POLE: variants seen among roughly 807,000 people sequenced by gnomAD.
POLE encodes the protein DNA polymerase epsilon catalytic subunit A.
Under a neutral mutation model 279.2 loss-of-function variants are expected in POLE, and 188 were observed. The observed-to-expected ratio is 0.67, with a 90% confidence interval of 0.60 to 0.76. The LOEUF (loss-of-function observed/expected upper bound fraction) is 0.76. Among genes scored for constraint, POLE ranks in the 30% least tolerant of loss-of-function variants. The pLI is 0.00. For synonymous variants in POLE, 1,214 were observed against 1,172.5 expected, an observed-to-expected ratio of 1.04 and a Z score of -0.72; for missense variants, 2,703 against 3,016.7, an observed-to-expected ratio of 0.90 and a Z score of 2.44.
intron 32 of POLE, among the ~76,000 whole-genome samples, chr12:132,646,173 C>A (rs1160526431): frequency 6.6e-6 from 1 of 152,122 alleles, no homozygotes. Flanking sequence ...AGATATTGAC[C>A]ACCAAAGAGT....
At chr12:132,686,461 G>A (rs971858331) in intron 1 of POLE, among the ~76,000 whole-genome samples, 4 of 152,012 alleles carry the variant, frequency 2.6e-5, no homozygotes, top group African/African-American at 9.7e-5. Flanking sequence ...AGGGCCGGGC[G>A]CGGAGTCTCA....
chr12:132,629,275 G>A (rs938190328), intron 45 of POLE, among the ~76,000 whole-genome samples: 5 of 152,172 alleles, frequency 3.3e-5, no homozygotes, highest in Admixed American at 6.5e-5. Context: ...CAGTGGCTTC[G>A]ACTTAAAGTC....
chr12:132,658,881 CAAAAAAAAAAA>C (rs1167117347), intron 26 of POLE, among the ~76,000 whole-genome samples: 17 of 33,838 alleles, frequency 5.0e-4, no homozygotes, highest in South Asian at 1.5e-3. Context: ...ATATAACCAC[CAAAAAAAAAAA>C]AAAAAAAAAA....
chr12:132,643,818 A>C lies in POLE; in HGVS notation c.4290+19T>G. Reference sequence around the variant, plus strand: ...GCTGGAGCCTCCCCCAGTTCAGTCGAGGGTGGCTGGGGAGTCACCTGAGTC... The same window carrying C: ...GCTGGAGCCTCCCCCAGTTCAGTCGCGGGTGGCTGGGGAGTCACCTGAGTC... On this transcript the variant is annotated intron_variant, in intron 33 of 48. Coordinates refer to ENST00000320574, the MANE Select transcript of POLE (RefSeq NM_006231.4). 6.2e-7 allele frequency: 1 copy of C among 1,610,410 alleles called. No homozygotes were observed. Among genetic ancestry groups the C allele is most frequent in the Non-Finnish European group, 8.5e-7 (1 of 1,177,104 alleles).
At chr12:132,657,507 G>C (rs2042573062) in intron 27 of POLE, 78 bp from the exon 28 acceptor site, 2 of 1,186,510 alleles carry the variant, frequency 1.7e-6, no homozygotes, top group South Asian at 1.3e-5. Flanking sequence ...GCTGAGCACA[G>C]GGCTAACCAC....
At chr12:132,645,800 C>CCA (rs10553413) in intron 32 of POLE, among the ~76,000 whole-genome samples, 13 of 149,874 alleles carry the variant, frequency 8.7e-5, no homozygotes, top group South Asian at 2.1e-4. Flanking sequence ...ACACACACAC[C>CCA]CACACACACA....
intron 21 of POLE, 133 bp downstream of exon 21, chr12:132,665,169 A>G: frequency 9.8e-7 from 1 of 1,024,136 alleles, no homozygotes; most frequent in Non-Finnish European, 1.4e-6. Flanking sequence ...CCCCAGCCCA[A>G]AGCCTTCTCC....
Position 132,675,886 on chromosome 12 carries a change from TC to T in POLE, c.1021-67del, listed in dbSNP as rs1478084689. 1.5e-6 allele frequency: 2 copies of T among 1,350,744 alleles called. No homozygotes were observed. Among genetic ancestry groups the T allele is most frequent in the African/African-American group, 2.9e-5 (2 of 69,794 alleles). The allele number at this position is 1,350,744 out of a possible 1,614,324, so 83.7% of individuals were successfully genotyped here. On this transcript the variant is annotated intron_variant, in intron 10 of 48. Transcript: ENST00000320574. The surrounding 1 kb of genome is among the most constrained non-coding windows in gnomAD (Gnocchi z 4.3). Reference sequence around the variant, plus strand: ...TTCTTCAAGCTATTCCAAATTCCTCTCCCAAAGTTCAGAAGCAGCAGCCTCA... The same window carrying T: ...TTCTTCAAGCTATTCCAAATTCCTCTCCAAAGTTCAGAAGCAGCAGCCTCA...
chr12:132,641,588 T>A (rs2042142062), intron 39 of POLE, 59 bp downstream of exon 39: 2 of 1,462,576 alleles, frequency 1.4e-6, no homozygotes, highest in Non-Finnish European at 1.9e-6. Context: ...GCTTTCCAAA[T>A]TAAGGGCAAA....
Position 132,675,639 on chromosome 12 carries a change from C to A in POLE, c.1106+96G>T. ...GGGAGGTGCAGAGTGAACCCAGGAG[C>A]CACCTCCTAAGTCGACATGGGAAGC... On this transcript the variant is annotated intron_variant, in intron 11 of 48. Transcript: ENST00000320574. The surrounding 1 kb of genome is among the most constrained non-coding windows in gnomAD (Gnocchi z 4.3). 1.3e-6 allele frequency: 2 copies of A among 1,568,950 alleles called. No individual in the cohort carries two copies. Among genetic ancestry groups the A allele is most frequent in the Non-Finnish European group, 8.7e-7 (1 of 1,143,424 alleles).
Position 132,661,747 on chromosome 12 carries a change from T to A in POLE, c.2707-63A>T. On this transcript the variant is annotated intron_variant, in intron 23 of 48. Coordinates refer to ENST00000320574, the MANE Select transcript of POLE (RefSeq NM_006231.4). The surrounding 1 kb of genome is among the most constrained non-coding windows in gnomAD (Gnocchi z 4.1). ...TGATGGCCCAAACCTGGAAACCACC[T>A]GGTGTCCCTCCAGGAGTGGATGGAT... is the stretch of plus-strand genomic sequence containing the variant. 1.3e-6 allele frequency: 2 copies of A among 1,554,770 alleles called. No homozygotes were observed. Among genetic ancestry groups the A allele is most frequent in the Non-Finnish European group, 1.8e-6 (2 of 1,135,484 alleles).
In POLE at chr12:132,661,044, C is replaced by T. The variant is rs1644915427; in HGVS notation, c.2985G>A (p.Lys995=). 6.2e-7 allele frequency: 1 copy of T among 1,614,156 alleles called. No individual in the cohort carries two copies. The highest frequency in any genetic ancestry group is 1.1e-5 in the South Asian group (1 of 91,080). Residue 995 remains lysine (K), a synonymous_variant, in exon 25 of 49, where the codon AAG becomes AAA. Transcript: ENST00000320574. This position sits in a 1 kb window ranked among gnomAD's most constrained non-coding sequence, Gnocchi z 4.1. ...FQSSVFEAFL[K]GSTLEEVYGS... ...CATACACCTCTTCCAGCGTGCTGCC[C>T]TTGAGGAAGGCCTCAAACACCGAGG...
At chr12:132,637,953 G>A (rs2042066607) in intron 41 of POLE, 61 bp downstream of exon 41, 3 of 1,587,178 alleles carry the variant, frequency 1.9e-6, no homozygotes. Flanking sequence ...CACCTCAGGG[G>A]GTCATTTTAG....
Position 132,643,551 on chromosome 12 carries a change from G to C in POLE, c.4300C>G (p.Leu1434Val), listed in dbSNP as rs2138553565. Residue 1434 changes from leucine (L) to valine (V), a missense_variant, in exon 34 of 49, where the codon CTG becomes GTG. Coordinates refer to ENST00000320574, the MANE Select transcript of POLE (RefSeq NM_006231.4). Reference protein sequence around the residue: ...EGVYETQVPLLFRALVHLGCV... With the variant: ...EGVYETQVPLVFRALVHLGCV... Reference sequence around the variant, plus strand: ...CCCAGGTGCACCAGGGCCCGGAACAGTAACGGAACCTGGAAGAATCGGGCA... The same window carrying C: ...CCCAGGTGCACCAGGGCCCGGAACACTAACGGAACCTGGAAGAATCGGGCA... 2 of 1,614,122 alleles carry C rather than the reference G, an allele frequency of 1.2e-6. No individual in the cohort carries two copies. The highest frequency in any genetic ancestry group is 1.7e-6 in the Non-Finnish European group (2 of 1,180,020).
At chr12:132,626,881 A>G (rs1476992020) in intron 45 of POLE, among the ~76,000 whole-genome samples, 2 of 152,254 alleles carry the variant, frequency 1.3e-5, no homozygotes, top group African/African-American at 4.8e-5. Context: ...GTTTCAAACC[A>G]CCTCAATGGA....
intron 29 of POLE, among the ~76,000 whole-genome samples, chr12:132,651,701 G>A (rs1455014552): frequency 2.0e-5 from 3 of 152,238 alleles, no homozygotes; most frequent in African/African-American, 7.2e-5. Context: ...ACTCCTGAGA[G>A]CAGCTATAAA....
chr12:132,634,182 T>C lies in POLE; in HGVS notation c.6004+4A>G. ...GGCTGCGCAGCCCTGGGCTCTGGGC[T>C]TACCTGAAACAATCATGAGGAAGTA... On this transcript the variant is annotated splice_donor_region_variant and intron_variant, in intron 43 of 48. Transcript: ENST00000320574. This position sits in a 1 kb window ranked among gnomAD's most constrained non-coding sequence, Gnocchi z 4.0. 3 of 1,609,234 alleles carry C rather than the reference T, an allele frequency of 1.9e-6. No individual in the cohort carries two copies. Among genetic ancestry groups the C allele is most frequent in the Non-Finnish European group, 2.5e-6 (3 of 1,177,262 alleles).
Position 132,624,454 on chromosome 12 carries a change from G to T in POLE, c.*243C>A, listed in dbSNP as rs965873535. 1.7e-6 allele frequency: 1 copy of T among 573,862 alleles called. No individual in the cohort carries two copies. Among genetic ancestry groups the T allele is most frequent in the Non-Finnish European group, 3.1e-6 (1 of 320,818 alleles). 35.5% of individuals were successfully genotyped at this position (573,862 alleles called of 1,614,324 possible). ...CGGCGCCCAGGGCACTCGCAGCCTC[G>T]CTCACGGCCTGCTTCTTCAGGTGCT... On this transcript the variant is annotated 3_prime_UTR_variant, in exon 49 of 49. Coordinates refer to ENST00000320574, the MANE Select transcript of POLE (RefSeq NM_006231.4).
At chr12:132,649,244 G>A (rs2138603144) in intron 31 of POLE, 62 bp downstream of exon 31, 2 of 1,561,392 alleles carry the variant, frequency 1.3e-6, no homozygotes, top group Non-Finnish European at 1.8e-6. Flanking sequence ...GGGCCCAGCT[G>A]GACACCCCCT....
Sources: allele counts gnomAD v4.1 joint callset (sites outside exome capture counted in the v4.1 genomes callset), GRCh38; gene constraint gnomAD v4.1.1; non-coding constraint Gnocchi (gnomAD v3.1); transcripts MANE v1.5; gene names NCBI Gene and HGNC (gene_info 2026-07-23, HGNC 2026-07-21).